HS6ST3: variants seen among roughly 807,000 people sequenced by gnomAD.
HS6ST3 encodes the protein heparan sulfate 6-O-sulfotransferase 3.
Under a neutral mutation model 36.7 loss-of-function variants are expected in HS6ST3, and 12 were observed. The ratio of observed to expected loss-of-function variants is 0.33; its 90% CI spans 0.21 to 0.53. The LOEUF is 0.53. HS6ST3 is among the 20% of genes least tolerant of loss of function. The probability of loss-of-function intolerance (pLI) is 0.95; values close to 1 mark genes in which losing one functional copy is unlikely to be tolerated. For missense variants in HS6ST3, 584 were observed against 640.9 expected (o/e 0.91, Z 0.96); for synonymous variants, 240 against 257.5 (o/e 0.93, Z 0.65).
intron 1 of HS6ST3, among the ~76,000 whole-genome samples, chr13:96,589,068 A>G (rs1278809769): frequency 2.6e-5 from 4 of 151,898 alleles, no homozygotes; most frequent in Non-Finnish European, 2.9e-5. Context: ...AAAAAAAAAA[A>G]AAAAAAGCTT....
chr13:96,118,164 G>A (rs905255887), intron 1 of HS6ST3, among the ~76,000 whole-genome samples: 3 of 152,052 alleles, frequency 2.0e-5, no homozygotes, highest in Non-Finnish European at 2.9e-5. Context: ...GAGCCACCAC[G>A]CCCAGCCAGA....
chr13:96,645,580 A>G (rs2056585857), intron 1 of HS6ST3, among the ~76,000 whole-genome samples: 1 of 151,758 alleles, frequency 6.6e-6, no homozygotes, highest in Non-Finnish European at 1.5e-5. Context: ...TGACCTTATT[A>G]TAAGCACTTT....
At chr13:96,583,182 G>A (rs990256503) in intron 1 of HS6ST3, among the ~76,000 whole-genome samples, 2 of 137,758 alleles carry the variant, frequency 1.5e-5, no homozygotes, top group Non-Finnish European at 3.1e-5. Flanking sequence ...ACGTTTTAAT[G>A]GCTTCAATTT....
At chr13:96,693,866 A>G (rs1176535659) in intron 1 of HS6ST3, among the ~76,000 whole-genome samples, 2 of 152,162 alleles carry the variant, frequency 1.3e-5, no homozygotes, top group Non-Finnish European at 2.9e-5. Context: ...ATGGGTCCAG[A>G]TTTAACCCTT....
At chr13:96,146,063 A>T (rs890134686) in intron 1 of HS6ST3, among the ~76,000 whole-genome samples, 3 of 152,136 alleles carry the variant, frequency 2.0e-5, no homozygotes, top group Admixed American at 6.5e-5. Context: ...GTAGGCTTGT[A>T]GTATAGTTTG....
chr13:96,184,334 T>C (rs1441829291), intron 1 of HS6ST3, among the ~76,000 whole-genome samples: 1 of 151,874 alleles, frequency 6.6e-6, no homozygotes, highest in Non-Finnish European at 1.5e-5. Flanking sequence ...TCTGTTGTAC[T>C]TGGAATTTTT....
intron 1 of HS6ST3, among the ~76,000 whole-genome samples, chr13:96,719,590 G>A (rs938908401): frequency 1.3e-5 from 2 of 152,154 alleles, no homozygotes; most frequent in Non-Finnish European, 2.9e-5. Flanking sequence ...ATTAAAGCCA[G>A]CTTGCTTAGA....
At chr13:96,418,276 A>T (rs1157640581) in intron 1 of HS6ST3, among the ~76,000 whole-genome samples, 1 of 152,224 alleles carries the variant, frequency 6.6e-6, no homozygotes, top group African/African-American at 2.4e-5. Flanking sequence ...GAATAGCTCA[A>T]ATTATTTGCC....
chr13:96,701,620 A>G (rs1875290248), intron 1 of HS6ST3, among the ~76,000 whole-genome samples: 2 of 152,106 alleles, frequency 1.3e-5, no homozygotes, highest in Non-Finnish European at 1.5e-5. Context: ...CCCATGACAA[A>G]ATTGTTTATA....
chr13:96,390,625 G>C lies in HS6ST3; in HGVS notation c.707+299056G>C, dbSNP rs192829144. 8.5e-5 allele frequency among the ~76,000 whole-genome samples: 13 copies of C among 152,282 alleles called. No homozygotes were observed. In the East Asian group the frequency reaches 2.3e-3, roughly 27 times the overall value. On this transcript the variant is annotated intron_variant, in intron 1 of 1. Transcript: ENST00000376705. ...TGAAGACAGACACATACAATATCCT[G>C]AGATCATTCTTCCAGTCTTCAACAG...
At chr13:96,442,196 T>C (rs1359495756) in intron 1 of HS6ST3, among the ~76,000 whole-genome samples, 2 of 152,044 alleles carry the variant, frequency 1.3e-5, no homozygotes, top group East Asian at 1.9e-4. Context: ...TAATTTTTTG[T>C]AAAGACGGAG....
At chr13:96,355,395 ACACAC>A (rs1566335704) in intron 1 of HS6ST3, among the ~76,000 whole-genome samples, 4 of 144,542 alleles carry the variant, frequency 2.8e-5, no homozygotes, top group African/African-American at 5.7e-5. Context: ...ACACACACAC[ACACAC>A]ACAAACACAC....
chr13:96,730,966 A>G (rs1278315022), intron 1 of HS6ST3, among the ~76,000 whole-genome samples: 2 of 152,172 alleles, frequency 1.3e-5, no homozygotes, highest in East Asian at 3.9e-4. Flanking sequence ...TCCTGGGCTC[A>G]AGCGATCCTC....
chr13:96,466,063 A>C (rs942822790), intron 1 of HS6ST3, among the ~76,000 whole-genome samples: 1 of 152,022 alleles, frequency 6.6e-6, no homozygotes, highest in Admixed American at 6.6e-5. Context: ...CGGGCAGATC[A>C]TGAGGTCAGG....
At position 96,091,526 on chromosome 13, in the gene HS6ST3, A is replaced by C; in HGVS notation, c.664A>C (p.Ile222Leu). 6.3e-7 allele frequency: 1 copy of C among 1,592,346 alleles called. No homozygotes were observed. The highest frequency in any genetic ancestry group is 8.5e-7 in the Non-Finnish European group (1 of 1,173,232). The change falls in exon 1 of 2, where the codon ATC becomes CTC. Residue 222 changes from isoleucine to leucine, a missense_variant. Physicochemically the swap from Ile to Leu is conservative, Grantham distance 5. This residue lies in a region of HS6ST3 where 360 missense variants were observed against 411.3 expected (regional missense o/e 0.88). Coordinates refer to ENST00000376705, the MANE Select transcript of HS6ST3 (RefSeq NM_153456.4). ...GGAGCTCACCAACTGCGTGCCGGCC[A>C]TCATGGAGAAGAAGGACTGTCCCCG... ...WTELTNCVPA[I>L]MEKKDCPRNH...
At chr13:96,258,061 A>G (rs2054645847) in intron 1 of HS6ST3, among the ~76,000 whole-genome samples, 1 of 152,196 alleles carries the variant, frequency 6.6e-6, no homozygotes, top group Non-Finnish European at 1.5e-5. Context: ...ATTCCACTGG[A>G]CTTGATGGCA....
chr13:96,804,257 A>G (rs1403997819), intron 1 of HS6ST3, among the ~76,000 whole-genome samples: 1 of 152,182 alleles, frequency 6.6e-6, no homozygotes, highest in Non-Finnish European at 1.5e-5. Context: ...ACTTGTCGGA[A>G]CAGAGAAAAG....
intron 1 of HS6ST3, among the ~76,000 whole-genome samples, chr13:96,608,969 A>G (rs571275662): frequency 4.6e-5 from 7 of 151,566 alleles, no homozygotes; most frequent in Non-Finnish European, 8.8e-5. Flanking sequence ...TTATTTATTT[A>G]TATTTATTTA....
chr13:96,636,782 T>C (rs1208825651), intron 1 of HS6ST3, among the ~76,000 whole-genome samples: 1 of 152,168 alleles, frequency 6.6e-6, no homozygotes, highest in Non-Finnish European at 1.5e-5. Context: ...AAATTGTGTT[T>C]TAAACGAGTT....
Sources: gnomAD v4.1 joint callset for allele counts (sites outside exome capture counted in the v4.1 genomes callset) on GRCh38, gnomAD v4.1.1 for gene constraint, gnomAD v4.1.1 regional missense constraint, MANE v1.5 for transcripts, NCBI Gene and HGNC (gene_info 2026-07-23, HGNC 2026-07-21) for gene names.